KCNIP4: variants seen among roughly 807,000 people sequenced by gnomAD.
KCNIP4 encodes Kv channel-interacting protein 4.
In KCNIP4, 12 loss-of-function variants were observed where a neutral mutation model predicts 34.0. That is an observed-to-expected ratio of 0.35 (90% CI 0.23 to 0.57). The LOEUF (loss-of-function observed/expected upper bound fraction) is 0.57. Ranked by LOEUF, KCNIP4 falls within the 20% of genes least tolerant of loss-of-function variation. KCNIP4 has a pLI of 0.83. For missense variants in KCNIP4, 238 were observed against 311.7 expected (o/e 0.76, Z 1.78); for synonymous variants, 124 against 102.2 (o/e 1.21, Z -1.29).
intron 1 of KCNIP4, among the ~76,000 whole-genome samples, chr4:21,533,059 CAAT>C (rs1483413262): frequency 4.0e-5 from 6 of 151,288 alleles, no homozygotes; most frequent in Non-Finnish European, 8.8e-5. Flanking sequence ...CCAGAACCAA[CAAT>C]AATATTGTCC....
intron 1 of KCNIP4, among the ~76,000 whole-genome samples, chr4:21,044,734 G>A (rs1041057527): frequency 1.3e-5 from 2 of 152,042 alleles, no homozygotes; most frequent in Non-Finnish European, 2.9e-5. Flanking sequence ...ACCCCTCCTG[G>A]GACTCTTTCT....
intron 1 of KCNIP4, among the ~76,000 whole-genome samples, chr4:21,462,521 G>A (rs931335280): frequency 6.6e-6 from 1 of 152,040 alleles, no homozygotes; most frequent in South Asian, 2.1e-4. Flanking sequence ...GGGAATTCAA[G>A]ATAAGATTTT....
intron 1 of KCNIP4, among the ~76,000 whole-genome samples, chr4:20,924,819 A>G (rs554261853): frequency 5.3e-5 from 8 of 152,306 alleles, no homozygotes; most frequent in African/African-American, 9.6e-5. Flanking sequence ...CTGGAAACAC[A>G]TAAGTGGAAA....
chr4:20,752,261 G>A (rs894129051), intron 4 of KCNIP4, among the ~76,000 whole-genome samples: 2 of 151,734 alleles, frequency 1.3e-5, no homozygotes, highest in South Asian at 2.1e-4. Context: ...GTTTCATCAC[G>A]TTGGCCAGAC....
At position 21,098,499 on chromosome 4, in the gene KCNIP4, T is replaced by C. The variant is rs140034577; in HGVS notation, c.62-215790A>G. Among the ~76,000 whole-genome samples, 752 of 152,306 alleles carry C rather than the reference T, an allele frequency of 4.9e-3. 6 individuals carry two copies. Among genetic ancestry groups the C allele is most frequent in the African/African-American group, 0.018 (729 of 41,578 alleles). On this transcript the variant is annotated intron_variant, in intron 1 of 8. Coordinates refer to ENST00000382152, the MANE Select transcript of KCNIP4 (RefSeq NM_025221.6). ...ACCATTTGAGAAATCCTAGTGTCCC[T>C]AAGAATTATGCTAAACTTACTGTGT... is the stretch of plus-strand genomic sequence containing the variant.
At chr4:21,119,462 C>T (rs1181492081) in intron 1 of KCNIP4, among the ~76,000 whole-genome samples, 3 of 141,082 alleles carry the variant, frequency 2.1e-5, no homozygotes, top group Non-Finnish European at 4.6e-5. Flanking sequence ...AACCCACAGA[C>T]ATCAGTGTAC....
At chr4:20,974,066 G>A (rs758416254) in intron 1 of KCNIP4, among the ~76,000 whole-genome samples, 1 of 152,080 alleles carries the variant, frequency 6.6e-6, no homozygotes, top group Non-Finnish European at 1.5e-5. Flanking sequence ...GCACCAAAAG[G>A]CCTGCTCAGC....
chr4:21,531,227 G>A (rs539291970), intron 1 of KCNIP4, among the ~76,000 whole-genome samples: 86 of 152,132 alleles, frequency 5.7e-4, no homozygotes, highest in Admixed American at 7.9e-4. Context: ...TCTAGAATTA[G>A]AGGGGTGACA....
intron 7 of KCNIP4, 57 bp downstream of exon 7, chr4:20,732,624 A>G (rs1013747804): frequency 1.1e-5 from 12 of 1,100,558 alleles, no homozygotes; most frequent in Non-Finnish European, 1.7e-5. Context: ...TGCATGGCAA[A>G]CATCAGGAAA....
chr4:20,820,579 T>C (rs1716979768), intron 3 of KCNIP4, among the ~76,000 whole-genome samples: 1 of 152,132 alleles, frequency 6.6e-6, no homozygotes, highest in Admixed American at 6.5e-5. Context: ...CAGGGTGTGA[T>C]CAAGTGATAT....
At chr4:21,136,169 G>A (rs1026262622) in intron 1 of KCNIP4, among the ~76,000 whole-genome samples, 18 of 152,086 alleles carry the variant, frequency 1.2e-4, no homozygotes, top group Admixed American at 7.9e-4. Context: ...GATGCTTGCC[G>A]TGCCCTAAGG....
rs1434617332 is a variant in KCNIP4 at position 21,948,746 on chromosome 4, G to C, written c.-115C>G. ...TCGGCCCGGGGGCGTCCGTGGCGCTGGGAGCGAGAGCTTCGGCGGCGGCTG... is the reference window on the plus strand; with the variant it reads ...TCGGCCCGGGGGCGTCCGTGGCGCTCGGAGCGAGAGCTTCGGCGGCGGCTG... On this transcript the variant is annotated 5_prime_UTR_variant, in exon 1 of 9. Coordinates refer to ENST00000382152, the MANE Select transcript of KCNIP4 (RefSeq NM_025221.6). 1 of 1,224,600 alleles carries C rather than the reference G, an allele frequency of 8.2e-7. No homozygotes were observed. Among genetic ancestry groups the C allele is most frequent in the Admixed American group, 4.3e-5 (1 of 23,516 alleles). 75.9% of individuals were successfully genotyped at this position (1,224,600 alleles called of 1,614,324 possible). A position where few individuals can be genotyped will look rare whatever the true frequency, so the allele number is the denominator to read the frequency against.
intron 1 of KCNIP4, among the ~76,000 whole-genome samples, chr4:21,802,263 T>C (rs1721047191): frequency 6.6e-6 from 1 of 152,130 alleles, no homozygotes; most frequent in Non-Finnish European, 1.5e-5. Context: ...AGTTTTTCAC[T>C]AGGATATTTA....
At chr4:21,558,507 A>AATAAATAAATAAATAAATAAATAAATAT (rs1553903352) in intron 1 of KCNIP4, among the ~76,000 whole-genome samples, 1 of 151,578 alleles carries the variant, frequency 6.6e-6, no homozygotes, top group East Asian at 1.9e-4. Flanking sequence ...TAAATAAATA[A>AATAAATAAATAAATAAATAAATAAATAT]ATAAATATAT....
intron 1 of KCNIP4, among the ~76,000 whole-genome samples, chr4:21,343,111 T>G (rs1716922783): frequency 6.6e-6 from 1 of 152,106 alleles, no homozygotes; most frequent in Non-Finnish European, 1.5e-5. Flanking sequence ...GACCCAATTA[T>G]AGCAGTCTGC....
intron 1 of KCNIP4, among the ~76,000 whole-genome samples, chr4:21,424,390 G>A (rs1189301377): frequency 6.6e-6 from 1 of 151,692 alleles, no homozygotes; most frequent in Non-Finnish European, 1.5e-5. Flanking sequence ...GACCAACATG[G>A]TGAAACACCA....
intron 1 of KCNIP4, among the ~76,000 whole-genome samples, chr4:21,694,153 C>G (rs4697231): frequency 0.44 from 67,194 of 151,626 alleles, 18,254 homozygotes; most frequent in Non-Finnish European, 0.61. Context: ...CTCAATGGGG[C>G]AGCATTCATA....
chr4:21,694,930 AT>A (rs371754827), intron 1 of KCNIP4, among the ~76,000 whole-genome samples: 37,931 of 108,640 alleles, frequency 0.35, 6,319 homozygotes, highest in Non-Finnish European at 0.46. Context: ...AAAAAAAAAA[AT>A]AAAAATAAAT....
chr4:20,779,983 C>A (rs1029907961), intron 3 of KCNIP4, among the ~76,000 whole-genome samples: 6 of 152,090 alleles, frequency 3.9e-5, no homozygotes, highest in African/African-American at 1.4e-4. Flanking sequence ...TTGTTTTAAG[C>A]CTTTCAGTTT....
Sources: allele counts gnomAD v4.1 joint callset (sites outside exome capture counted in the v4.1 genomes callset), GRCh38; gene constraint gnomAD v4.1.1; transcripts MANE v1.5; gene names NCBI Gene and HGNC (gene_info 2026-07-23, HGNC 2026-07-21).